The following NCKAP5 variants were observed in gnomAD, a reference collection of about 807,000 sequenced individuals.
The protein encoded by NCKAP5 is nck-associated protein 5.
Under a neutral mutation model 167.0 loss-of-function variants are expected in NCKAP5, and 92 were observed. The ratio of observed to expected loss-of-function variants is 0.55; its 90% confidence interval spans 0.47 to 0.66. The LOEUF (loss-of-function observed/expected upper bound fraction) is 0.66, where lower values mean the gene tolerates loss of function less well. NCKAP5 is among the 30% of genes least tolerant of loss of function. The pLI, the probability that NCKAP5 is intolerant of heterozygous loss-of-function variation, is 0.00. For missense variants in NCKAP5, 2,378 were observed against 2,315.0 expected, an observed-to-expected ratio of 1.03 and a Z score of -0.56; for synonymous variants, 891 against 877.4, an observed-to-expected ratio of 1.02 and a Z score of -0.27.
In NCKAP5 at chr2:132,722,755, G is replaced by A. The variant is rs564977544; in HGVS notation, c.5713+2872C>T. Among the ~76,000 whole-genome samples, 8 of 152,202 alleles carry A rather than the reference G, an allele frequency of 5.3e-5. No homozygotes were observed. The South Asian group carries it at 1.7e-3, about 32-fold the overall frequency. On this transcript the variant is annotated intron_variant, in intron 19 of 19. Coordinates refer to ENST00000409261, the MANE Select transcript of NCKAP5 (RefSeq NM_207363.3). ...CCAGCCTTTCTAAGAGCCAAAGCTT[G>A]GAGTCATCCTTGACCCTACGTTTTT...
chr2:133,132,435 C>A (rs1368837587), intron 5 of NCKAP5, among the ~76,000 whole-genome samples: 1 of 149,478 alleles, frequency 6.7e-6, no homozygotes, highest in Non-Finnish European at 1.5e-5. Context: ...CATGAATAAT[C>A]TTTTCTCTTC....
intron 6 of NCKAP5, among the ~76,000 whole-genome samples, chr2:133,093,266 A>G (rs748049319): frequency 3.3e-5 from 5 of 152,214 alleles, no homozygotes; most frequent in Non-Finnish European, 5.9e-5. Context: ...TAGACACCTG[A>G]AAAACTGAAT....
At chr2:133,527,751 G>A (rs980466183) in intron 2 of NCKAP5, among the ~76,000 whole-genome samples, 7 of 152,064 alleles carry the variant, frequency 4.6e-5, no homozygotes, top group African/African-American at 1.7e-4. Flanking sequence ...TGAGAGGGCA[G>A]CGGGCTAAAC....
rs555099395 is a variant in NCKAP5, at chr2:133,406,578, CAGGA to C, written c.70-103472_70-103469del. 3.2e-4 allele frequency among the ~76,000 whole-genome samples: 27 copies of C among 83,768 alleles called. No homozygotes were observed. In the South Asian group the frequency reaches 0.01, roughly 32 times the overall value. 55.0% of individuals were successfully genotyped at this position (83,768 alleles called of 152,430 possible). On this transcript the variant is annotated intron_variant, in intron 3 of 19. Coordinates refer to ENST00000409261, the MANE Select transcript of NCKAP5 (RefSeq NM_207363.3). ...TAAAAACAAACCAACAAAAAACTTC[CAGGA>C]AGGAAGGAAGGGAGGGAGGGAGGGA...
At chr2:133,336,015 T>A (rs1474129710) in intron 3 of NCKAP5, among the ~76,000 whole-genome samples, 3 of 152,138 alleles carry the variant, frequency 2.0e-5, no homozygotes. Flanking sequence ...AGGATAAGTT[T>A]TTCATTTTAC....
At position 132,783,613 on chromosome 2, in the gene NCKAP5, G is replaced by C. The variant is rs1434546106; in HGVS notation, c.3198C>G (p.Pro1066=). 1 of 1,613,808 alleles carries C rather than the reference G, an allele frequency of 6.2e-7. No homozygotes were observed. The highest frequency in any genetic ancestry group is 1.3e-5 in the African/African-American group (1 of 74,902). ...GCTCATGGGTTGAAGGAGAGATCCT[G>C]GGAGTCTGTAATCCTATGTCCCTTT... ...TPQRDIGLQT[P]RISPSTHEPL... is the part of the protein sequence containing the mutation. Residue 1066 remains proline, a synonymous_variant, in exon 14 of 20, where the codon CCC becomes CCG. Transcript: ENST00000409261.
chr2:132,822,192 AAC>A (rs751971314), intron 11 of NCKAP5, among the ~76,000 whole-genome samples: 3 of 152,212 alleles, frequency 2.0e-5, no homozygotes, highest in Non-Finnish European at 4.4e-5. Context: ...CACCTTGGCT[AAC>A]CAGAGGTCCT....
At chr2:133,392,471 C>T (rs142281327) in intron 3 of NCKAP5, among the ~76,000 whole-genome samples, 100 of 152,250 alleles carry the variant, frequency 6.6e-4, no homozygotes, top group Admixed American at 1.7e-3. Context: ...CTGTAGTATA[C>T]GACTTTAAAA....
intron 19 of NCKAP5, among the ~76,000 whole-genome samples, chr2:132,716,859 C>T (rs1478202986): frequency 6.6e-6 from 1 of 152,154 alleles, no homozygotes; most frequent in Non-Finnish European, 1.5e-5. Context: ...CACATCACAG[C>T]CTCCCTTTTC....
chr2:133,179,492 C>A (rs747782878), intron 5 of NCKAP5, among the ~76,000 whole-genome samples: 2 of 151,844 alleles, frequency 1.3e-5, no homozygotes, highest in African/African-American at 4.8e-5. Flanking sequence ...TGGAAAAAGA[C>A]AATCAATAGA....
At chr2:132,899,111 A>G (rs774646484) in intron 8 of NCKAP5, among the ~76,000 whole-genome samples, 10 of 152,212 alleles carry the variant, frequency 6.6e-5, no homozygotes, top group African/African-American at 9.6e-5. Flanking sequence ...TTCATCCATT[A>G]TTTGAACTAG....
chr2:133,137,530 G>A (rs575080348), intron 5 of NCKAP5, among the ~76,000 whole-genome samples: 1 of 151,750 alleles, frequency 6.6e-6, no homozygotes, highest in Admixed American at 6.6e-5. Context: ...GAAATTTCAA[G>A]GGCAAGTAAG....
intron 2 of NCKAP5, among the ~76,000 whole-genome samples, chr2:133,552,375 GA>G (rs1687392535): frequency 3.0e-5 from 4 of 131,732 alleles, no homozygotes; most frequent in Non-Finnish European, 4.8e-5. Flanking sequence ...ACTGGATTAA[GA>G]AAATGTGGCA....
chr2:133,067,299 A>AT (rs1435421679), intron 6 of NCKAP5, among the ~76,000 whole-genome samples: 1 of 152,254 alleles, frequency 6.6e-6, no homozygotes, highest in East Asian at 1.9e-4. Flanking sequence ...AGCTTATAAG[A>AT]TTTTCCAACT....
chr2:132,933,402 T>C (rs763699508), intron 8 of NCKAP5, among the ~76,000 whole-genome samples: 15 of 152,186 alleles, frequency 9.9e-5, no homozygotes, highest in Non-Finnish European at 1.3e-4. Context: ...GTCTAACATA[T>C]GGGAACTGCT....
At chr2:132,750,999 G>C (rs747741468) in intron 16 of NCKAP5, among the ~76,000 whole-genome samples, 1 of 152,140 alleles carries the variant, frequency 6.6e-6, no homozygotes, top group Non-Finnish European at 1.5e-5. Flanking sequence ...AAATGTGCAG[G>C]GGAAGGAGAA....
In NCKAP5 at chr2:132,868,969, G is replaced by T. The variant is rs901482074; in HGVS notation, c.654C>A (p.Ala218=). 5.8e-6 allele frequency: 9 copies of T among 1,543,400 alleles called. No homozygotes were observed. The highest frequency in any genetic ancestry group is 1.2e-5 in the South Asian group (1 of 81,810). ...TAAGCAGAGCTTGAACAACTTGGTT[G>T]GCTACCTTTAAAAAATAAAGAAAAA... ...EQYERCLDEV[A]NQVVQALLTQ... is the part of the protein sequence containing the mutation. The change falls in exon 10 of 20, where the codon GCC becomes GCA. Residue 218 remains alanine (A), a synonymous_variant. Transcript: ENST00000409261.
chr2:133,464,205 C>A (rs1405275609), intron 3 of NCKAP5, among the ~76,000 whole-genome samples: 1 of 152,164 alleles, frequency 6.6e-6, no homozygotes, highest in Non-Finnish European at 1.5e-5. Context: ...GACAGAAACA[C>A]AGTATTCTAA....
intron 6 of NCKAP5, among the ~76,000 whole-genome samples, chr2:133,064,612 C>G (rs1391151060): frequency 6.6e-6 from 1 of 152,008 alleles, no homozygotes; most frequent in Non-Finnish European, 1.5e-5. Context: ...CCTAAGGAAG[C>G]CTGGTAAATA....
Sources: gnomAD v4.1 joint callset for allele counts (sites outside exome capture counted in the v4.1 genomes callset) on GRCh38, gnomAD v4.1.1 for gene constraint, MANE v1.5 for transcripts, NCBI Gene and HGNC (gene_info 2026-07-23, HGNC 2026-07-21) for gene names.